ST3GAL2: variants seen among roughly 807,000 people sequenced by gnomAD.
ST3GAL2 encodes the protein CMP-N-acetylneuraminate-beta-galactosamide-alpha-2,3-sialyltransferase 2.
Under a neutral mutation model 37.5 loss-of-function variants are expected in ST3GAL2, and 16 were observed. The ratio of observed to expected loss-of-function variants is 0.43; its 90% CI spans 0.29 to 0.65. The LOEUF (loss-of-function observed/expected upper bound fraction) is 0.65, where lower values mean the gene tolerates loss of function less well. Among genes scored for constraint, ST3GAL2 ranks in the 30% least tolerant of loss-of-function variants. The pLI is 0.17. For missense variants in ST3GAL2, 383 were observed against 487.8 expected (o/e 0.79, Z 2.02); for synonymous variants, 238 against 202.9 (o/e 1.17, Z -1.47).
intron 1 of ST3GAL2, among the ~76,000 whole-genome samples, chr16:70,401,302 G>C (rs1199264317): frequency 6.6e-6 from 1 of 152,220 alleles, no homozygotes; most frequent in Non-Finnish European, 1.5e-5. Flanking sequence ...TGGGATTCTA[G>C]ATCAACGCAG....
intron 1 of ST3GAL2, among the ~76,000 whole-genome samples, chr16:70,420,104 G>A (rs952996834): frequency 2.1e-5 from 3 of 142,618 alleles, no homozygotes; most frequent in African/African-American, 7.8e-5. Flanking sequence ...TCGGTTCACT[G>A]CAACCTCTGT....
At chr16:70,431,561 A>C (rs565421696) in intron 1 of ST3GAL2, among the ~76,000 whole-genome samples, 2 of 152,262 alleles carry the variant, frequency 1.3e-5, no homozygotes, top group African/African-American at 4.8e-5. Context: ...TGTTGTGTTA[A>C]TTATCACCAA....
chr16:70,427,458 C>T (rs1178491756), intron 1 of ST3GAL2, among the ~76,000 whole-genome samples: 2 of 152,054 alleles, frequency 1.3e-5, no homozygotes, highest in East Asian at 1.9e-4. Context: ...CCTGCCTCAG[C>T]CTCCCAAGTA....
rs1368190445 is a variant in ST3GAL2, at chr16:70,410,246, T to TTTTTTTTTCTTTC, written c.-1003-10714_-1003-10713insGAAAGAAAAAAAA. ...ATATTATCTCCACCCTCACCTTTTT[T>TTTTTTTTTCTTTC]TTTTTTTTTTTTTTTTTTTTTTGAG... On this transcript the variant is annotated intron_variant, in intron 1 of 6. Transcript: ENST00000342907. 1.1e-4 allele frequency among the ~76,000 whole-genome samples: 10 copies of TTTTTTTTTCTTTC among 87,772 alleles called. 1 individual carries two copies. The highest frequency in any genetic ancestry group is 5.3e-4 in the African/African-American group (9 of 16,978). 57.6% of individuals were successfully genotyped at this position (87,772 alleles called of 152,430 possible).
chr16:70,405,807 T>TC (rs1484239799), intron 1 of ST3GAL2, among the ~76,000 whole-genome samples: 1 of 151,830 alleles, frequency 6.6e-6, no homozygotes, highest in Non-Finnish European at 1.5e-5. Context: ...ACGCCTGTAA[T>TC]CCCAGCACTT....
chr16:70,383,182 G>A lies in ST3GAL2; in HGVS notation c.759+8C>T. The A allele has an allele frequency of 1.2e-6, 2 of 1,612,530 alleles. No homozygotes were observed. Among genetic ancestry groups the A allele is most frequent in the South Asian group, 2.2e-5 (2 of 90,994 alleles). On this transcript the variant is annotated splice_region_variant and intron_variant, in intron 5 of 6. Coordinates refer to ENST00000342907, the MANE Select transcript of ST3GAL2 (RefSeq NM_006927.4). ...TCCACTGAGGTGGGGAAGAAGTGGG[G>A]AGCTTACCTTTTCTTTATCCACTCG...
At chr16:70,400,774 T>TGGCC (rs2047549731) in intron 1 of ST3GAL2, 1 of 152,268 alleles carries the variant, frequency 6.6e-6, no homozygotes, top group South Asian at 2.1e-4. Flanking sequence ...CTCCCTGAAC[T>TGGCC]ACCCACGGCT....
At chr16:70,412,161 C>T (rs1371049352) in intron 1 of ST3GAL2, among the ~76,000 whole-genome samples, 2 of 152,182 alleles carry the variant, frequency 1.3e-5, no homozygotes, top group African/African-American at 2.4e-5. Flanking sequence ...ATAAAACTGT[C>T]TTAGCCTGTC....
intron 3 of ST3GAL2, 150 bp from the exon 4 acceptor site, chr16:70,388,696 A>G: frequency 1.2e-6 from 1 of 847,588 alleles, no homozygotes; most frequent in East Asian, 2.8e-5. Flanking sequence ...CCCTATAAAA[A>G]TGGTTACAAA....
chr16:70,438,605 G>T (rs2047843493), intron 1 of ST3GAL2, among the ~76,000 whole-genome samples: 2 of 152,042 alleles, frequency 1.3e-5, no homozygotes, highest in African/African-American at 4.8e-5. Flanking sequence ...TACGAACTAG[G>T]GAGTGGACTG....
At chr16:70,410,627 G>T (rs2151669721) in intron 1 of ST3GAL2, among the ~76,000 whole-genome samples, 1 of 150,688 alleles carries the variant, frequency 6.6e-6, no homozygotes, top group African/African-American at 2.4e-5. Context: ...ATCTTATATT[G>T]TTAGCTTATG....
At chr16:70,405,302 G>A (rs2047582114) in intron 1 of ST3GAL2, among the ~76,000 whole-genome samples, 1 of 152,128 alleles carries the variant, frequency 6.6e-6, no homozygotes, top group South Asian at 2.1e-4. Flanking sequence ...AGCACTTTGG[G>A]AGGCCGAGGC....
At chr16:70,435,067 G>A (rs919287192) in intron 1 of ST3GAL2, among the ~76,000 whole-genome samples, 2 of 152,166 alleles carry the variant, frequency 1.3e-5, no homozygotes, top group African/African-American at 2.4e-5. Flanking sequence ...CAGGCCAGAC[G>A]AGGGCCCGGT....
In ST3GAL2 at chr16:70,377,988, G is replaced by GT. The variant is rs1597549961; in HGVS notation, c.*3700dup. 6.6e-6 allele frequency: 1 copy of GT among 152,094 alleles called. No homozygotes were observed. The highest frequency in any genetic ancestry group is 6.6e-5 in the Admixed American group (1 of 15,252). 9.4% of individuals were successfully genotyped at this position (152,094 alleles called of 1,614,324 possible). A position where few individuals can be genotyped will look rare whatever the true frequency, so the allele number is the denominator to read the frequency against. The stretch of plus-strand genomic sequence containing the variant: ...AAGCTATGGGAAAGGAATGAAAAAG[G>GT]TATCAACTCACATGGGCAAATAAAT... On this transcript the variant is annotated 3_prime_UTR_variant, in exon 7 of 7. Coordinates refer to ENST00000342907, the MANE Select transcript of ST3GAL2 (RefSeq NM_006927.4).
At chr16:70,422,150 G>C (rs879686240) in intron 1 of ST3GAL2, among the ~76,000 whole-genome samples, 3 of 152,192 alleles carry the variant, frequency 2.0e-5, no homozygotes, top group Admixed American at 1.3e-4. Context: ...CAGAGCAGCT[G>C]TGTGTCTTTG....
At chr16:70,435,746 A>G (rs1446341637) in intron 1 of ST3GAL2, among the ~76,000 whole-genome samples, 1 of 151,798 alleles carries the variant, frequency 6.6e-6, no homozygotes, top group East Asian at 1.9e-4. Flanking sequence ...GTGAGCCGAG[A>G]TCTCGCCATT....
intron 1 of ST3GAL2, among the ~76,000 whole-genome samples, chr16:70,434,819 G>A (rs1318564874): frequency 6.6e-6 from 1 of 152,222 alleles, no homozygotes; most frequent in Admixed American, 6.5e-5. Flanking sequence ...CAGGGCCACT[G>A]TGTGACCCAC....
Position 70,398,795 on chromosome 16 carries a change from C to A in ST3GAL2, c.-265G>T, listed in dbSNP as rs886941722. 1 of 575,678 alleles carries A rather than the reference C, an allele frequency of 1.7e-6. No homozygotes were observed. Among genetic ancestry groups the A allele is most frequent in the Non-Finnish European group, 3.1e-6 (1 of 324,072 alleles). 35.7% of individuals were successfully genotyped at this position (575,678 alleles called of 1,614,324 possible). The stretch of plus-strand genomic sequence containing the variant: ...CGGGTCTCTCCGTCACTAGCTAGGC[C>A]ACAGAGGCTCTGCCTCTCCTGCCAC... On this transcript the variant is annotated 5_prime_UTR_variant, in exon 2 of 7. Transcript: ENST00000342907.
intron 1 of ST3GAL2, among the ~76,000 whole-genome samples, chr16:70,407,226 C>T (rs989859149): frequency 2.0e-5 from 3 of 151,648 alleles, no homozygotes; most frequent in African/African-American, 7.3e-5. Context: ...CTGCAACCTC[C>T]ACCTCCTGGG....
Sources: allele counts gnomAD v4.1 joint callset (sites outside exome capture counted in the v4.1 genomes callset), GRCh38; gene constraint gnomAD v4.1.1; transcripts MANE v1.5; gene names NCBI Gene and HGNC (gene_info 2026-07-23, HGNC 2026-07-21).